Variants in PDE4D observed in about 807,000 individuals in gnomAD.
The protein encoded by PDE4D is 3',5'-cyclic-AMP phosphodiesterase 4D.
In PDE4D, 24 loss-of-function variants were observed where a neutral mutation model predicts 87.4. The observed-to-expected ratio is 0.27, with a 90% CI of 0.20 to 0.39. The LOEUF (loss-of-function observed/expected upper bound fraction) is 0.39, where lower values mean the gene tolerates loss of function less well. Ranked by LOEUF, PDE4D falls within the 10% of genes least tolerant of loss-of-function variation. The pLI, the probability that PDE4D is intolerant of heterozygous loss-of-function variation, is 1.00. For synonymous variants in PDE4D, 384 were observed against 383.2 expected, an observed-to-expected ratio of 1.00 and a Z score of -0.02; for missense variants, 714 against 1,041.0, an observed-to-expected ratio of 0.69 and a Z score of 4.32.
chr5:60,177,950 C>A (rs573399471), intron 2 of PDE4D, among the ~76,000 whole-genome samples: 1 of 152,224 alleles, frequency 6.6e-6, no homozygotes, highest in Non-Finnish European at 1.5e-5. Context: ...TCATCTTCCT[C>A]ATGAATGTCT....
rs1741347304 is a variant in PDE4D, at chr5:59,640,257, CA to C, written c.455+252910del. On this transcript the variant is annotated intron_variant, in intron 1 of 14. Coordinates refer to ENST00000340635, the MANE Select transcript of PDE4D (RefSeq NM_001104631.2). Reference sequence around the variant, plus strand: ...GAAACTGAGGTTCTGAAAAGGTAAACAGTGTTTTTCTGTTGTTCAAAGCTGG... The same window carrying C: ...GAAACTGAGGTTCTGAAAAGGTAAACGTGTTTTTCTGTTGTTCAAAGCTGG... Among the ~76,000 whole-genome samples the C allele has an allele frequency of 2.0e-5, 3 of 152,174 alleles. No homozygotes were observed. In the South Asian group the frequency reaches 6.2e-4, roughly 32 times the overall value.
chr5:59,555,442 A>T (rs1818737449), intron 1 of PDE4D, among the ~76,000 whole-genome samples: 1 of 152,082 alleles, frequency 6.6e-6, no homozygotes, highest in South Asian at 2.1e-4. Flanking sequence ...ACAAACCCCC[A>T]TGACAGGAGC....
intron 1 of PDE4D, among the ~76,000 whole-genome samples, chr5:59,625,308 A>C (rs1830773536): frequency 1.3e-5 from 2 of 152,136 alleles, no homozygotes; most frequent in Admixed American, 1.3e-4. Context: ...CAGCTAGCAA[A>C]AGAAGAGGGA....
At chr5:60,348,772 A>G (rs1025271420) in intron 1 of PDE4D, among the ~76,000 whole-genome samples, 2 of 152,116 alleles carry the variant, frequency 1.3e-5, no homozygotes, top group Non-Finnish European at 2.9e-5. Context: ...CAAAATATAT[A>G]AAAACAGAAA....
chr5:59,160,912 A>G (rs955161781), intron 5 of PDE4D, among the ~76,000 whole-genome samples: 1 of 152,146 alleles, frequency 6.6e-6, no homozygotes, highest in Non-Finnish European at 1.5e-5. Context: ...CCTGACCAAC[A>G]TGGTGAAACC....
intron 2 of PDE4D, among the ~76,000 whole-genome samples, chr5:60,066,361 C>T (rs1035493068): frequency 1.3e-5 from 2 of 151,906 alleles, no homozygotes; most frequent in African/African-American, 4.8e-5. Flanking sequence ...TCCCTATACA[C>T]AATATATTTT....
At chr5:59,071,609 A>G (rs1044204550) in intron 5 of PDE4D, among the ~76,000 whole-genome samples, 3 of 149,914 alleles carry the variant, frequency 2.0e-5, no homozygotes, top group Admixed American at 2.0e-4. Context: ...TATGAATACA[A>G]TATCAAGTGT....
At chr5:59,267,645 A>G (rs1162227981) in intron 1 of PDE4D, among the ~76,000 whole-genome samples, 1 of 152,118 alleles carries the variant, frequency 6.6e-6, no homozygotes, top group Non-Finnish European at 1.5e-5. Flanking sequence ...TTATCTATTG[A>G]TTCACTCTCA....
At position 59,492,721 on chromosome 5, in the gene PDE4D, C is replaced by T. The variant is rs550479966; in HGVS notation, c.456-276753G>A. Among the ~76,000 whole-genome samples, 4 of 151,748 alleles carry T rather than the reference C, an allele frequency of 2.6e-5. No homozygotes were observed. The South Asian group carries it at 8.4e-4, about 32-fold the overall frequency. ...TCTATTATATGTTTAGGCTGTGTCCCCACCCAAATCTCATCTTGGATTGTA... is the reference window on the plus strand; with the variant it reads ...TCTATTATATGTTTAGGCTGTGTCCTCACCCAAATCTCATCTTGGATTGTA... On this transcript the variant is annotated intron_variant, in intron 1 of 14. Transcript: ENST00000340635.
At chr5:60,457,824 G>A (rs1030587466) in intron 1 of PDE4D, among the ~76,000 whole-genome samples, 1 of 152,194 alleles carries the variant, frequency 6.6e-6, no homozygotes, top group Non-Finnish European at 1.5e-5. Flanking sequence ...CTTTCTGCGA[G>A]AGCAAACAAC....
intron 1 of PDE4D, among the ~76,000 whole-genome samples, chr5:59,293,544 A>C (rs1196343683): frequency 3.3e-5 from 5 of 152,114 alleles, no homozygotes; most frequent in Non-Finnish European, 7.4e-5. Context: ...TGCTCAGTGG[A>C]TATGGTCATT....
At chr5:59,839,759 A>G (rs1231880036) in intron 1 of PDE4D, among the ~76,000 whole-genome samples, 3 of 152,008 alleles carry the variant, frequency 2.0e-5, no homozygotes, top group African/African-American at 7.2e-5. Flanking sequence ...ATCAAAGAGC[A>G]TATAGGAAAT....
chr5:59,163,026 G>A (rs570877845), intron 5 of PDE4D, among the ~76,000 whole-genome samples: 13 of 150,670 alleles, frequency 8.6e-5, no homozygotes, highest in Admixed American at 5.3e-4. Context: ...TCTGCCTCCC[G>A]GGTTCAAGCC....
intron 1 of PDE4D, among the ~76,000 whole-genome samples, chr5:59,722,598 A>G (rs1403125889): frequency 2.0e-5 from 3 of 152,204 alleles, no homozygotes; most frequent in Non-Finnish European, 2.9e-5. Context: ...GGTGCTGGTT[A>G]TTATCTATAA....
At chr5:59,564,961 GT>G in intron 1 of PDE4D, among the ~76,000 whole-genome samples, 1 of 152,182 alleles carries the variant, frequency 6.6e-6, no homozygotes. Context: ...AGGCAAAGGG[GT>G]TGGGGGACAC....
intron 5 of PDE4D, among the ~76,000 whole-genome samples, chr5:59,146,569 AT>A (rs35653778): frequency 0.021 from 3,029 of 147,106 alleles, 93 homozygotes; most frequent in African/African-American, 0.064. Context: ...AAGTGGTCTG[AT>A]TTTTTTTTTT....
chr5:59,708,176 T>C (rs991405052), intron 1 of PDE4D, among the ~76,000 whole-genome samples: 5 of 152,148 alleles, frequency 3.3e-5, no homozygotes, highest in Admixed American at 1.3e-4. Flanking sequence ...TGGTATCTCA[T>C]TGTGGTTTTG....
chr5:59,197,650 G>T (rs563742551), intron 2 of PDE4D, among the ~76,000 whole-genome samples: 1 of 152,208 alleles, frequency 6.6e-6, no homozygotes, highest in South Asian at 2.1e-4. Flanking sequence ...GTGGTTAGAA[G>T]AAAATAAATA....
At chr5:60,103,721 A>C (rs1776502628) in intron 2 of PDE4D, among the ~76,000 whole-genome samples, 1 of 152,242 alleles carries the variant, frequency 6.6e-6, no homozygotes, top group Non-Finnish European at 1.5e-5. Flanking sequence ...AGTAATTCAG[A>C]GTAAATCATT....
Sources: allele counts gnomAD v4.1 joint callset (sites outside exome capture counted in the v4.1 genomes callset), GRCh38; gene constraint gnomAD v4.1.1; transcripts MANE v1.5; gene names NCBI Gene and HGNC (gene_info 2026-07-23, HGNC 2026-07-21).